The following CLEC16A variants were observed in gnomAD, a reference collection of about 807,000 sequenced individuals.
CLEC16A encodes the protein protein CLEC16A.
CLEC16A carries 51 observed loss-of-function variants against 109.5 expected under a neutral mutation model. The observed-to-expected ratio is 0.47, with a 90% confidence interval of 0.37 to 0.59. CLEC16A has a LOEUF of 0.59. Among genes scored for constraint, CLEC16A ranks in the 20% least tolerant of loss-of-function variants. The probability of loss-of-function intolerance (pLI) is 0.00; values close to 1 mark genes in which losing one functional copy is unlikely to be tolerated. For synonymous variants in CLEC16A, 673 were observed against 564.2 expected, an observed-to-expected ratio of 1.19 and a Z score of -2.73; for missense variants, 1,339 against 1,394.0, an observed-to-expected ratio of 0.96 and a Z score of 0.63.
At chr16:11,109,799 T>C (rs1217788497) in intron 19 of CLEC16A, among the ~76,000 whole-genome samples, 3 of 152,214 alleles carry the variant, frequency 2.0e-5, no homozygotes, top group Admixed American at 2.0e-4. Flanking sequence ...CAGCCCCTCC[T>C]GACCTCTGAT....
chr16:11,027,600 G>T (rs1449305289), intron 13 of CLEC16A: 3 of 1,557,310 alleles, frequency 1.9e-6, no homozygotes, highest in Non-Finnish European at 2.6e-6. Flanking sequence ...TCATGAAATT[G>T]CATTCCCAGG....
intron 19 of CLEC16A, among the ~76,000 whole-genome samples, chr16:11,064,842 C>T (rs2048678141): frequency 1.3e-5 from 2 of 152,204 alleles, no homozygotes; most frequent in Non-Finnish European, 1.5e-5. Flanking sequence ...AATGAGATCA[C>T]ATGTAAAGCT....
chr16:10,955,008 C>T (rs757296971), intron 1 of CLEC16A, among the ~76,000 whole-genome samples: 9 of 152,248 alleles, frequency 5.9e-5, no homozygotes, highest in Non-Finnish European at 1.2e-4. Context: ...TGCATGGTCA[C>T]GTTGCCTCTC....
intron 19 of CLEC16A, among the ~76,000 whole-genome samples, chr16:11,104,553 G>A (rs991257984): frequency 6.6e-6 from 1 of 152,142 alleles, no homozygotes; most frequent in African/African-American, 2.4e-5. Context: ...TTTCTGATGA[G>A]GTGCCTTACA....
At chr16:10,945,280 T>C (rs540363226) in intron 1 of CLEC16A, among the ~76,000 whole-genome samples, 6 of 152,284 alleles carry the variant, frequency 3.9e-5, no homozygotes, top group Non-Finnish European at 7.4e-5. Context: ...GAGAGTTGGT[T>C]GGATAAGAGA....
rs200850408 is a variant in CLEC16A at position 11,178,396 on chromosome 16, C to T, written c.2868C>T (p.Asn956=). ...TTCCTGACCAGTTGGTAATCGTCAA[C>T]GAAACGGAAGCAGACTCTAAGCCCA... ...PHLPDQLVIV[N]ETEADSKPSK... Residue 956 remains asparagine (N), a synonymous_variant, in exon 24 of 24, where the codon AAC becomes AAT. Transcript: ENST00000409790. This position sits in a 1 kb window ranked among gnomAD's most constrained non-coding sequence, Gnocchi z 6.5. The T allele has an allele frequency of 1.6e-4, 256 of 1,613,824 alleles. 1 individual carries two copies. The highest frequency in any genetic ancestry group is 2.0e-4 in the Non-Finnish European group (234 of 1,179,868).
chr16:11,084,579 C>A (rs1369915591), intron 19 of CLEC16A, among the ~76,000 whole-genome samples: 1 of 152,220 alleles, frequency 6.6e-6, no homozygotes. Context: ...TGACAGACAT[C>A]TGACACACTT....
intron 1 of CLEC16A, among the ~76,000 whole-genome samples, chr16:10,957,316 TCAA>T (rs1216246357): frequency 6.6e-6 from 1 of 152,208 alleles, no homozygotes; most frequent in Non-Finnish European, 1.5e-5. Flanking sequence ...TCTCTAAACC[TCAA>T]CATTAGCCTG....
chr16:11,124,475 C>A (rs1025372905), intron 21 of CLEC16A, among the ~76,000 whole-genome samples: 1 of 152,206 alleles, frequency 6.6e-6, no homozygotes, highest in African/African-American at 2.4e-5. Context: ...AAGGCTGGAA[C>A]CCTTGGAAGG....
intron 19 of CLEC16A, among the ~76,000 whole-genome samples, chr16:11,080,728 C>G (rs529770863): frequency 1.3e-5 from 2 of 152,188 alleles, no homozygotes. Context: ...TATGGCCCCT[C>G]CCTCCATTCT....
intron 18 of CLEC16A, among the ~76,000 whole-genome samples, chr16:11,058,796 T>C (rs1434165081): frequency 6.6e-6 from 1 of 152,206 alleles, no homozygotes; most frequent in Non-Finnish European, 1.5e-5. Context: ...ACCCACCTGC[T>C]CTGGTCCTGC....
At position 11,120,644 on chromosome 16, in the gene CLEC16A, A is replaced by T. The variant is rs1408992682; in HGVS notation, c.2146A>T (p.Ile716Phe). The change falls in exon 20 of 24, where the codon ATC (isoleucine) becomes TTC (phenylalanine). Residue 716 changes from isoleucine (I) to phenylalanine (F), a missense_variant. Ile to Phe is a conservative substitution (Grantham distance 21). Around this residue, in one of 3 missense-constraint regions of CLEC16A, gnomAD observed 1,061 missense variants for 1,006.8 expected, o/e 1.05. Coordinates refer to ENST00000409790, the MANE Select transcript of CLEC16A (RefSeq NM_015226.3). ...NNSDLIACTVITKDGGMVQRF... is the reference protein window; with the variant it reads ...NNSDLIACTVFTKDGGMVQRF... ...CAGCGACTTGATTGCATGTACAGTGATCACCAAGGATGGCGGCATGGTCCA... is the reference window on the plus strand; with the variant it reads ...CAGCGACTTGATTGCATGTACAGTGTTCACCAAGGATGGCGGCATGGTCCA... 1 of 1,613,072 alleles carries T rather than the reference A, an allele frequency of 6.2e-7. No individual in the cohort carries two copies. The highest frequency in any genetic ancestry group is 2.2e-5 in the East Asian group (1 of 44,814).
chr16:10,984,288 G>A (rs977673643), intron 10 of CLEC16A, among the ~76,000 whole-genome samples: 1 of 152,118 alleles, frequency 6.6e-6, no homozygotes, highest in Non-Finnish European at 1.5e-5. Context: ...GAGCATTAGC[G>A]CCTCTGAAAA....
chr16:11,084,006 G>A (rs1199261329), intron 19 of CLEC16A, among the ~76,000 whole-genome samples: 3 of 152,154 alleles, frequency 2.0e-5, no homozygotes, highest in Non-Finnish European at 4.4e-5. Context: ...CTCTCCACCA[G>A]CAGAGTCCAA....
chr16:11,044,275 T>G (rs532982054), intron 16 of CLEC16A: 15 of 400,456 alleles, frequency 3.7e-5, no homozygotes, highest in Non-Finnish European at 5.7e-5. Context: ...CAGTAAAATT[T>G]TTGAGGACTC....
chr16:11,068,515 C>G (rs530655851), intron 19 of CLEC16A, among the ~76,000 whole-genome samples: 1 of 152,292 alleles, frequency 6.6e-6, no homozygotes, highest in African/African-American at 2.4e-5. Flanking sequence ...GAACTCCAGA[C>G]CTGTGTACTC....
At chr16:10,944,945 G>A (rs763737087) in intron 1 of CLEC16A, 148 bp downstream of exon 1, 6 of 727,844 alleles carry the variant, frequency 8.2e-6, no homozygotes, top group Non-Finnish European at 1.3e-5. Context: ...GGGCTCGGGA[G>A]TCAGGGCGCC....
chr16:11,113,763 C>T (rs898568258), intron 19 of CLEC16A, among the ~76,000 whole-genome samples: 4 of 152,170 alleles, frequency 2.6e-5, no homozygotes, highest in African/African-American at 9.7e-5. Flanking sequence ...CTCTGGAAGG[C>T]GAATTCATTC....
intron 22 of CLEC16A, among the ~76,000 whole-genome samples, chr16:11,130,545 T>A (rs2053135056): frequency 6.6e-6 from 1 of 152,166 alleles, no homozygotes; most frequent in African/African-American, 2.4e-5. Flanking sequence ...TACTCAGAGT[T>A]TTACAGAAGC....
Sources: allele counts gnomAD v4.1 joint callset (sites outside exome capture counted in the v4.1 genomes callset), GRCh38; gene constraint gnomAD v4.1.1; regional missense constraint gnomAD v4.1.1; non-coding constraint Gnocchi (gnomAD v3.1); transcripts MANE v1.5; gene names NCBI Gene and HGNC (gene_info 2026-07-23, HGNC 2026-07-21).